RAD51B: variants seen among roughly 807,000 people sequenced by gnomAD.
RAD51B encodes RAD51 paralog B.
RAD51B carries 38 observed loss-of-function variants against 42.2 expected under a neutral mutation model. The ratio of observed to expected loss-of-function variants is 0.90; its 90% CI spans 0.70 to 1.18. The LOEUF is 1.18. RAD51B is among the 50% of genes most tolerant of loss of function. The pLI, the probability that RAD51B is intolerant of heterozygous loss-of-function variation, is 0.00. For missense variants in RAD51B, 373 were observed against 400.7 expected, an observed-to-expected ratio of 0.93 and a Z score of 0.59; for synonymous variants, 154 against 145.2, an observed-to-expected ratio of 1.06 and a Z score of -0.43.
chr14:67,880,640 A>G (rs2042875653), intron 5 of RAD51B, among the ~76,000 whole-genome samples: 2 of 152,210 alleles, frequency 1.3e-5, no homozygotes, highest in Non-Finnish European at 2.9e-5. Flanking sequence ...CATGAATGCC[A>G]TCATATATAT....
chr14:68,133,612 C>T (rs2077945511), intron 7 of RAD51B, among the ~76,000 whole-genome samples: 1 of 152,128 alleles, frequency 6.6e-6, no homozygotes, highest in African/African-American at 2.4e-5. Context: ...GCTGGGACTA[C>T]AGGCGCACAC....
chr14:68,663,737 C>CG (rs1566967026), intron 11 of RAD51B, among the ~76,000 whole-genome samples: 16 of 151,960 alleles, frequency 1.1e-4, no homozygotes, highest in African/African-American at 3.6e-4. Flanking sequence ...GTGAGAATAG[C>CG]ATAAGAGTTA....
intron 9 of RAD51B, among the ~76,000 whole-genome samples, chr14:68,457,674 C>T (rs2085731600): frequency 6.6e-6 from 1 of 151,980 alleles, no homozygotes; most frequent in Admixed American, 6.6e-5. Context: ...TCTCAGCTCA[C>T]TGCAACCTCC....
At chr14:68,125,527 A>T (rs934232555) in intron 7 of RAD51B, 2 of 152,224 alleles carry the variant, frequency 1.3e-5, no homozygotes, top group Non-Finnish European at 2.9e-5. Flanking sequence ...GGCTTCATCA[A>T]TGCAAATGAC....
intron 5 of RAD51B, among the ~76,000 whole-genome samples, chr14:67,884,869 CT>C (rs1367377577): frequency 2.0e-5 from 3 of 152,034 alleles, no homozygotes; most frequent in Non-Finnish European, 4.4e-5. Context: ...GGGCTTTTCT[CT>C]TTTATTTCTG....
chr14:67,846,082 G>T (rs995390224), intron 4 of RAD51B, among the ~76,000 whole-genome samples: 2 of 152,154 alleles, frequency 1.3e-5, no homozygotes, highest in Non-Finnish European at 2.9e-5. Context: ...GCGTTGTTGG[G>T]GTGGTGGCAG....
chr14:67,899,941 T>G (rs1407975346), intron 7 of RAD51B, among the ~76,000 whole-genome samples: 2 of 152,230 alleles, frequency 1.3e-5, no homozygotes, highest in African/African-American at 2.4e-5. Flanking sequence ...CATGTGTTCT[T>G]ATTCATAATG....
chr14:68,003,358 A>G (rs574991639), intron 7 of RAD51B, among the ~76,000 whole-genome samples: 12 of 152,326 alleles, frequency 7.9e-5, no homozygotes, highest in African/African-American at 2.9e-4. Flanking sequence ...CAATTTTTGC[A>G]CATTGATTTT....
At chr14:68,230,337 G>A (rs1395638314) in intron 7 of RAD51B, among the ~76,000 whole-genome samples, 1 of 152,224 alleles carries the variant, frequency 6.6e-6, no homozygotes, top group Non-Finnish European at 1.5e-5. Context: ...TGTGGGAGTA[G>A]AGGAAACAGA....
At chr14:68,024,556 C>T (rs1447153922) in intron 7 of RAD51B, among the ~76,000 whole-genome samples, 1 of 151,962 alleles carries the variant, frequency 6.6e-6, no homozygotes, top group Admixed American at 6.6e-5. Flanking sequence ...CTTTCCCCTC[C>T]TTGGTTTGAT....
At chr14:67,988,684 T>C (rs1404845248) in intron 7 of RAD51B, among the ~76,000 whole-genome samples, 2 of 152,174 alleles carry the variant, frequency 1.3e-5, no homozygotes, top group African/African-American at 4.8e-5. Context: ...GCACTGTGAT[T>C]CACTGAATTG....
intron 7 of RAD51B, among the ~76,000 whole-genome samples, chr14:68,184,442 G>A (rs900082297): frequency 2.0e-5 from 3 of 151,390 alleles, no homozygotes; most frequent in East Asian, 1.9e-4. Context: ...ACAGGGTTTC[G>A]CCATGTTACC....
intron 7 of RAD51B, among the ~76,000 whole-genome samples, chr14:67,982,609 T>C (rs1359915398): frequency 2.0e-5 from 3 of 152,160 alleles, no homozygotes; most frequent in Non-Finnish European, 4.4e-5. Flanking sequence ...ACCATAGTCA[T>C]TTTTTAAAAA....
At chr14:68,333,801 C>T (rs927705468) in intron 8 of RAD51B, among the ~76,000 whole-genome samples, 6 of 152,272 alleles carry the variant, frequency 3.9e-5, no homozygotes, top group Non-Finnish European at 8.8e-5. Flanking sequence ...ATAACATCCA[C>T]TCTCTACATT....
At chr14:68,250,206 C>T (rs1223526260) in intron 7 of RAD51B, among the ~76,000 whole-genome samples, 4 of 152,364 alleles carry the variant, frequency 2.6e-5, no homozygotes, top group African/African-American at 9.6e-5. Context: ...ACTCCTTCTT[C>T]CTGTCTCCCT....
At position 67,929,394 on chromosome 14, in the gene RAD51B, AG is replaced by A. The variant is rs547021369; in HGVS notation, c.756+42191del. Among the ~76,000 whole-genome samples the A allele has an allele frequency of 1.8e-3, 267 of 152,248 alleles. 1 individual carries two copies. The highest frequency in any genetic ancestry group is 6.3e-3 in the African/African-American group (263 of 41,554). On this transcript the variant is annotated intron_variant, in intron 7 of 10. Transcript: ENST00000471583. ...TTGTTTAATTTCCATGTATTTGTAT[AG>A]TTTTCAGAGTTCCTCTTGGCATTGA...
intron 5 of RAD51B, among the ~76,000 whole-genome samples, chr14:67,869,656 G>C (rs2140003836): frequency 6.6e-6 from 1 of 152,224 alleles, no homozygotes; most frequent in South Asian, 2.1e-4. Flanking sequence ...AAGTTGAAAT[G>C]AAGGAAAAAA....
chr14:68,350,667 A>T (rs1192394437), intron 8 of RAD51B, among the ~76,000 whole-genome samples: 1 of 152,254 alleles, frequency 6.6e-6, no homozygotes, highest in Non-Finnish European at 1.5e-5. Context: ...AGTGTTAAGT[A>T]AATAGAATTA....
intron 7 of RAD51B, among the ~76,000 whole-genome samples, chr14:68,069,168 G>C (rs2076701452): frequency 6.6e-6 from 1 of 152,182 alleles, no homozygotes; most frequent in Non-Finnish European, 1.5e-5. Context: ...TACTGAGCAG[G>C]GGTATGACCT....
Sources: gnomAD v4.1 joint callset for allele counts (sites outside exome capture counted in the v4.1 genomes callset) on GRCh38, gnomAD v4.1.1 for gene constraint, MANE v1.5 for transcripts, NCBI Gene and HGNC (gene_info 2026-07-23, HGNC 2026-07-21) for gene names.